MBD5: variants seen among roughly 807,000 people sequenced by gnomAD.
MBD5 encodes methyl-CpG binding domain protein 5.
Under a neutral mutation model 117.3 loss-of-function variants are expected in MBD5, and 13 were observed. The observed-to-expected ratio is 0.11, with a 90% CI of 0.07 to 0.18. MBD5 has a LOEUF of 0.18. MBD5 is among the 10% of genes least tolerant of loss of function. MBD5 has a pLI of 1.00. For synonymous variants in MBD5, 727 were observed against 766.4 expected, an observed-to-expected ratio of 0.95 and a Z score of 0.85; for missense variants, 1,879 against 2,093.8, an observed-to-expected ratio of 0.90 and a Z score of 2.00.
At chr2:148,508,058 T>C (rs1682096575) in intron 12 of MBD5, among the ~76,000 whole-genome samples, 1 of 152,208 alleles carries the variant, frequency 6.6e-6, no homozygotes, top group Non-Finnish European at 1.5e-5. Flanking sequence ...AGTGCGATAT[T>C]GTCAGGCAAC....
At chr2:148,074,253 A>G (rs1176709879) in intron 1 of MBD5, among the ~76,000 whole-genome samples, 2 of 152,086 alleles carry the variant, frequency 1.3e-5, no homozygotes, top group South Asian at 4.1e-4. Context: ...GACCTTCTAC[A>G]TTTGTAATTT....
chr2:148,294,726 G>A (rs1028591285), intron 3 of MBD5, among the ~76,000 whole-genome samples: 13 of 151,744 alleles, frequency 8.6e-5, no homozygotes, highest in African/African-American at 2.7e-4. Flanking sequence ...AGCTGGTCTC[G>A]AACTGCTGGC....
chr2:148,379,154 G>A (rs923687187), intron 4 of MBD5, among the ~76,000 whole-genome samples: 2 of 151,992 alleles, frequency 1.3e-5, no homozygotes, highest in African/African-American at 4.8e-5. Context: ...TCTACAGATA[G>A]TGAAAACAAT....
chr2:148,312,167 C>T (rs1702047747), intron 3 of MBD5, among the ~76,000 whole-genome samples: 2 of 152,074 alleles, frequency 1.3e-5, no homozygotes, highest in Non-Finnish European at 2.9e-5. Context: ...GTGGTGTTCT[C>T]TGTAATTCCT....
intron 1 of MBD5, among the ~76,000 whole-genome samples, chr2:148,131,482 C>T (rs1181565272): frequency 6.6e-6 from 1 of 152,010 alleles, no homozygotes; most frequent in African/African-American, 2.4e-5. Flanking sequence ...TCACTTGATG[C>T]CAGGAGTTCA....
At chr2:148,382,533 T>G (rs1263150403) in intron 4 of MBD5, among the ~76,000 whole-genome samples, 1 of 152,120 alleles carries the variant, frequency 6.6e-6, no homozygotes, top group Admixed American at 6.6e-5. Context: ...ACTGTCAACA[T>G]TAGACAGATC....
rs187538516 is a variant in MBD5 at position 148,349,382 on chromosome 2, C to G, written c.-557+7046C>G. ...ATTTAAAGCCTATTCTCCTTCATAT[C>G]ATCAGATTGTTACTACTGCACTTAT... On this transcript the variant is annotated intron_variant, in intron 4 of 13. Transcript: ENST00000642680. Among the ~76,000 whole-genome samples, 134 of 152,088 alleles carry G rather than the reference C, an allele frequency of 8.8e-4. 1 individual carries two copies. Among genetic ancestry groups the G allele is most frequent in the African/African-American group, 3.0e-3 (124 of 41,544 alleles).
At chr2:148,370,890 G>A (rs979260470) in intron 4 of MBD5, among the ~76,000 whole-genome samples, 1 of 152,052 alleles carries the variant, frequency 6.6e-6, no homozygotes, top group African/African-American at 2.4e-5. Flanking sequence ...TTTAATCTAA[G>A]AGTCCAAACC....
At chr2:148,488,042 A>G (rs1184220129) in intron 10 of MBD5, among the ~76,000 whole-genome samples, 1 of 152,202 alleles carries the variant, frequency 6.6e-6, no homozygotes, top group Non-Finnish European at 1.5e-5. Context: ...GGGAAGGTAT[A>G]ATAAATAAGA....
chr2:148,459,170 A>G (rs1442560883), intron 5 of MBD5, among the ~76,000 whole-genome samples: 1 of 152,200 alleles, frequency 6.6e-6, no homozygotes, highest in Non-Finnish European at 1.5e-5. Flanking sequence ...TACTGGGAAT[A>G]TCACTTGACC....
At chr2:148,278,551 A>C (rs1308013715) in intron 3 of MBD5, among the ~76,000 whole-genome samples, 3 of 152,158 alleles carry the variant, frequency 2.0e-5, no homozygotes, top group African/African-American at 4.8e-5. Flanking sequence ...ATCATTTTAA[A>C]AATCTTCATA....
chr2:148,344,187 AC>A lies in MBD5; in HGVS notation c.-557+1853del, dbSNP rs140667995. ...CATTGATCTATGCATCTGTTTTTATACCAGTACCATGCTCTTTTAGTTACAG... is the reference window on the plus strand; with the variant it reads ...CATTGATCTATGCATCTGTTTTTATACAGTACCATGCTCTTTTAGTTACAG... On this transcript the variant is annotated intron_variant, in intron 4 of 13. Coordinates refer to ENST00000642680, the MANE Select transcript of MBD5 (RefSeq NM_001378120.1). 1.2e-4 allele frequency among the ~76,000 whole-genome samples: 19 copies of A among 152,080 alleles called. No individual in the cohort carries two copies. The East Asian group carries it at 2.9e-3, about 23-fold the overall frequency.
intron 1 of MBD5, among the ~76,000 whole-genome samples, chr2:148,144,214 T>C (rs1402596998): frequency 9.2e-5 from 14 of 152,064 alleles, no homozygotes; most frequent in African/African-American, 3.4e-4. Flanking sequence ...TGAGCATTTT[T>C]TCATGTGTCT....
At chr2:148,470,538 T>C (rs957633992) in intron 8 of MBD5, 77 bp downstream of exon 8, 1 of 1,136,134 alleles carries the variant, frequency 8.8e-7, no homozygotes, top group Non-Finnish European at 1.2e-6. Context: ...CCAAAATATT[T>C]ATTATGATAA....
At position 148,353,004 on chromosome 2, in the gene MBD5, G is replaced by T. The variant is rs560366185; in HGVS notation, c.-557+10668G>T. Among the ~76,000 whole-genome samples the T allele has an allele frequency of 3.9e-5, 6 of 151,974 alleles. No individual in the cohort carries two copies. In the East Asian group the frequency reaches 9.7e-4, roughly 24 times the overall value. On this transcript the variant is annotated intron_variant, in intron 4 of 13. Coordinates refer to ENST00000642680, the MANE Select transcript of MBD5 (RefSeq NM_001378120.1). ...TGTAAAATTTTACTCAAAAGACTTG[G>T]GAAATTCCATGATACTATTCACAAT...
At chr2:148,228,138 C>T (rs1414552839) in intron 2 of MBD5, among the ~76,000 whole-genome samples, 2 of 152,166 alleles carry the variant, frequency 1.3e-5, no homozygotes, top group Admixed American at 6.5e-5. Context: ...CCAGAACTTC[C>T]AACACTATGT....
chr2:148,035,337 T>C (rs1305343419), intron 1 of MBD5, among the ~76,000 whole-genome samples: 1 of 152,182 alleles, frequency 6.6e-6, no homozygotes. Flanking sequence ...ATAACTGTTC[T>C]ATAATCTGTA....
intron 2 of MBD5, among the ~76,000 whole-genome samples, chr2:148,185,291 G>C (rs543916934): frequency 6.6e-6 from 1 of 152,068 alleles, no homozygotes; most frequent in African/African-American, 2.4e-5. Flanking sequence ...GGGAGTTTTC[G>C]GGTTTTCTTA....
At chr2:148,310,331 T>G (rs1701998851) in intron 3 of MBD5, among the ~76,000 whole-genome samples, 1 of 152,230 alleles carries the variant, frequency 6.6e-6, no homozygotes, top group Non-Finnish European at 1.5e-5. Context: ...AACTTGTTAT[T>G]GCTCTATTCA....
Sources: allele counts gnomAD v4.1 joint callset (sites outside exome capture counted in the v4.1 genomes callset), GRCh38; gene constraint gnomAD v4.1.1; transcripts MANE v1.5; gene names NCBI Gene and HGNC (gene_info 2026-07-23, HGNC 2026-07-21).